The following APAF1 variants were observed in gnomAD, a reference collection of about 807,000 sequenced individuals.
The protein encoded by APAF1 is apoptotic protease-activating factor 1.
Under a neutral mutation model 152.4 loss-of-function variants are expected in APAF1, and 91 were observed. The observed-to-expected ratio is 0.60, with a 90% CI of 0.50 to 0.71. The LOEUF is 0.71. Among genes scored for constraint, APAF1 ranks in the 30% least tolerant of loss-of-function variants. The pLI, the probability that APAF1 is intolerant of heterozygous loss-of-function variation, is 0.00. For missense variants in APAF1, 1,283 were observed against 1,472.0 expected (o/e 0.87, Z 2.10); for synonymous variants, 484 against 494.1 (o/e 0.98, Z 0.27).
At chr12:98,703,527 C>T (rs1422482115) in intron 18 of APAF1, 28 bp downstream of exon 18, 1 of 1,613,642 alleles carries the variant, frequency 6.2e-7, no homozygotes, top group African/African-American at 1.3e-5. Flanking sequence ...TTCTGTGAAG[C>T]CTGGGTTTCC....
In APAF1 at chr12:98,645,844, ACCT is replaced by A. The variant is rs2097639337; in HGVS notation, c.-42+14_-42+16del. On this transcript the variant is annotated intron_variant, in intron 1 of 26. Transcript: ENST00000551964. ...TAGGCGCAAAGGCTTGGGTAAGTTG[ACCT>A]CCTCGCTTTTCTCCCCGAGCCAGGT... is the stretch of plus-strand genomic sequence containing the variant. 2 of 151,920 alleles carry A rather than the reference ACCT, an allele frequency of 1.3e-5. No homozygotes were observed. The highest frequency in any genetic ancestry group is 2.1e-4 in the South Asian group (1 of 4,814). 9.4% of individuals were successfully genotyped at this position (151,920 alleles called of 1,614,324 possible). A position where few individuals can be genotyped will look rare whatever the true frequency, so the allele number is the denominator to read the frequency against.
At chr12:98,646,016 T>C (rs920901854) in intron 1 of APAF1, among the ~76,000 whole-genome samples, 181 bp downstream of exon 1, 7 of 152,266 alleles carry the variant, frequency 4.6e-5, no homozygotes, top group African/African-American at 1.7e-4. Flanking sequence ...AAACGTGCGC[T>C]GTTTTCTGTT....
At chr12:98,654,819 T>TC (rs1217350592) in intron 4 of APAF1, among the ~76,000 whole-genome samples, 3 of 133,222 alleles carry the variant, frequency 2.3e-5, no homozygotes, top group Non-Finnish European at 3.3e-5. Flanking sequence ...GTATTTTCTT[T>TC]TTTTTTTTTT....
At chr12:98,699,319 G>A in intron 16 of APAF1, 89 bp from the exon 17 acceptor site, 1 of 1,310,184 alleles carries the variant, frequency 7.6e-7, no homozygotes, top group Non-Finnish European at 1.1e-6. Flanking sequence ...AAGTGAATAA[G>A]TTTATGTGGC....
Position 98,659,336 on chromosome 12 carries a change from C to T in APAF1, c.703C>T (p.His235Tyr), listed in dbSNP as rs368744142. The change falls in exon 5 of 27, where the codon CAC becomes TAC. Residue 235 changes from histidine to tyrosine, a missense_variant. Coordinates refer to ENST00000551964, the MANE Select transcript of APAF1 (RefSeq NM_181861.2). ...DRLRILMLRK[H>Y]PRSLLILDDV... ...TCTCCGCATTCTGATGCTTCGCAAA[C>T]ACCCAAGGTACCGATGGTCAAATTT... 3.1e-6 allele frequency: 5 copies of T among 1,614,076 alleles called. No individual in the cohort carries two copies. The highest frequency in any genetic ancestry group is 3.4e-6 in the Non-Finnish European group (4 of 1,180,030).
Position 98,723,110 on chromosome 12 carries a change from C to T in APAF1, c.3085-83C>T, listed in dbSNP as rs1159697497. The T allele has an allele frequency of 1.3e-5, 18 of 1,417,784 alleles. No homozygotes were observed. The Admixed American group carries it at 2.9e-4, about 23-fold the overall frequency. The allele number at this position is 1,417,784 out of a possible 1,614,324, so 87.8% of individuals were successfully genotyped here. A position where few individuals can be genotyped will look rare whatever the true frequency, so the allele number is the denominator to read the frequency against. ...TGCCATGTGAGTAAAAGACTTTAGA[C>T]AAGAGAATGTACACTCTCTCCACCC... On this transcript the variant is annotated intron_variant, in intron 22 of 26. Transcript: ENST00000551964.
rs779212954 is a variant in APAF1 at position 98,680,404 on chromosome 12, T to C, written c.2046+2T>C. 3.1e-6 allele frequency: 5 copies of C among 1,612,804 alleles called. No homozygotes were observed. In the South Asian group the frequency reaches 5.5e-5, roughly 18 times the overall value. ...TGCTCAGTGGATAAAAAAGTGAAGG[T>C]AGGAAAATCTTTTCCTCTTGAGTTG... On this transcript the variant is annotated splice_donor_variant, in intron 14 of 26. Transcript: ENST00000551964. LOFTEE classifies it high-confidence loss of function.
Position 98,723,304 on chromosome 12 carries a change from A to G in APAF1, c.3196A>G (p.Thr1066Ala). ...SRLLSWSFDG[T>A]VKVWNIITGN... is the part of the protein sequence containing the mutation. ...ACTGCTTTCTTGGTCATTTGATGGA[A>G]CAGTGAAGGTAATTTAAAGTATAAA... The change falls in exon 23 of 27, where the codon ACA becomes GCA. Residue 1066 changes from threonine (T) to alanine (A), a missense_variant. Coordinates refer to ENST00000551964, the MANE Select transcript of APAF1 (RefSeq NM_181861.2). 6 of 1,613,414 alleles carry G rather than the reference A, an allele frequency of 3.7e-6. No individual in the cohort carries two copies. The highest frequency in any genetic ancestry group is 5.1e-6 in the Non-Finnish European group (6 of 1,179,456).
At chr12:98,728,862 G>C (rs2097755541) in intron 26 of APAF1, among the ~76,000 whole-genome samples, 1 of 152,226 alleles carries the variant, frequency 6.6e-6, no homozygotes, top group African/African-American at 2.4e-5. Flanking sequence ...GCCGCAATTT[G>C]AATGTGTTGT....
intron 13 of APAF1, among the ~76,000 whole-genome samples, chr12:98,679,314 T>C (rs1370094997): frequency 6.6e-6 from 1 of 152,002 alleles, no homozygotes; most frequent in Non-Finnish European, 1.5e-5. Context: ...CCCTCTCTGC[T>C]GATAGCTGAA....
rs755740531 is a variant in APAF1 at position 98,723,728 on chromosome 12, C to G, written c.3294C>G (p.Thr1098=). 6.2e-7 allele frequency: 1 copy of G among 1,613,660 alleles called. No homozygotes were observed. Among genetic ancestry groups the G allele is most frequent in the East Asian group, 2.2e-5 (1 of 44,820 alleles). The change falls in exon 24 of 27, where the codon ACC becomes ACG. Residue 1098 remains threonine, a synonymous_variant. Coordinates refer to ENST00000551964, the MANE Select transcript of APAF1 (RefSeq NM_181861.2). ...VLSCDISHDA[T]KFSSTSADKT... Reference sequence around the variant, plus strand: ...CTTGTGACATTTCTCACGATGCTACCAAGTTTTCATCTACCTCTGCTGACA... The same window carrying G: ...CTTGTGACATTTCTCACGATGCTACGAAGTTTTCATCTACCTCTGCTGACA...
At chr12:98,670,939 C>T in intron 10 of APAF1, 34 bp from the exon 11 acceptor site, 1 of 1,382,848 alleles carries the variant, frequency 7.2e-7, no homozygotes, top group Non-Finnish European at 1.0e-6. Context: ...TGATCTCTAA[C>T]AGTGCTGCTG....
intron 19 of APAF1, 84 bp downstream of exon 19, chr12:98,706,694 CT>C: frequency 2.0e-6 from 3 of 1,502,098 alleles, no homozygotes; most frequent in Non-Finnish European, 2.8e-6. Flanking sequence ...ATGGGTAGCA[CT>C]GAGGTAAGCA....
chr12:98,674,269 G>A lies in APAF1; in HGVS notation c.1793+2550G>A, dbSNP rs541370620. On this transcript the variant is annotated intron_variant, in intron 12 of 26. Coordinates refer to ENST00000551964, the MANE Select transcript of APAF1 (RefSeq NM_181861.2). ...GACTTCCCAAAGTTCTTGGATTACAGGCATGAGCCACCACACCCAGCAGGT... is the reference window on the plus strand; with the variant it reads ...GACTTCCCAAAGTTCTTGGATTACAAGCATGAGCCACCACACCCAGCAGGT... Among the ~76,000 whole-genome samples, 11 of 152,218 alleles carry A rather than the reference G, an allele frequency of 7.2e-5. No individual in the cohort carries two copies. The East Asian group carries it at 2.1e-3, about 29-fold the overall frequency.
intron 16 of APAF1, 94 bp downstream of exon 16, chr12:98,686,967 C>A: frequency 8.0e-7 from 1 of 1,251,096 alleles, no homozygotes; most frequent in East Asian, 2.3e-5. Context: ...CACATTTCTA[C>A]AGAAAGAGCC....
chr12:98,661,446 G>A (rs959573665), intron 5 of APAF1, among the ~76,000 whole-genome samples: 2 of 151,912 alleles, frequency 1.3e-5, no homozygotes, highest in South Asian at 2.1e-4. Context: ...TTCAACCTAT[G>A]TATGTGCCTA....
Position 98,676,151 on chromosome 12 carries a change from T to TTC in APAF1, c.1794-1272_1794-1271dup, listed in dbSNP as rs559362076. On this transcript the variant is annotated intron_variant, in intron 12 of 26. Coordinates refer to ENST00000551964, the MANE Select transcript of APAF1 (RefSeq NM_181861.2). Reference sequence around the variant, plus strand: ...TGACAGGGATGTAACGTATATGAAATTCTGTCACTGCACTAATAGTTTTTT... The same window carrying TTC: ...TGACAGGGATGTAACGTATATGAAATTCTCTGTCACTGCACTAATAGTTTTTT... Among the ~76,000 whole-genome samples the TTC allele has an allele frequency of 1.8e-3, 279 of 152,316 alleles. 1 individual carries two copies. The highest frequency in any genetic ancestry group is 3.3e-3 in the Non-Finnish European group (227 of 68,030).
chr12:98,663,902 C>T (rs1477488793), intron 7 of APAF1, among the ~76,000 whole-genome samples: 1 of 152,160 alleles, frequency 6.6e-6, no homozygotes, highest in Non-Finnish European at 1.5e-5. Context: ...CAGGTGATTG[C>T]CCGCCTCAGC....
intron 4 of APAF1, among the ~76,000 whole-genome samples, chr12:98,649,886 T>C (rs903972872): frequency 6.6e-6 from 1 of 152,024 alleles, no homozygotes; most frequent in Non-Finnish European, 1.5e-5. Flanking sequence ...AGCAGGAGTT[T>C]GGAGAAAGAA....
Sources: gnomAD v4.1 joint callset for allele counts (sites outside exome capture counted in the v4.1 genomes callset) on GRCh38, gnomAD v4.1.1 for gene constraint, MANE v1.5 for transcripts, NCBI Gene and HGNC (gene_info 2026-07-23, HGNC 2026-07-21) for gene names.